TRPM3: variants seen among roughly 807,000 people sequenced by gnomAD.
The protein encoded by TRPM3 is long transient receptor potential channel 3.
TRPM3 carries 77 observed loss-of-function variants against 181.2 expected under a neutral mutation model. That is an observed-to-expected ratio of 0.42 (90% CI 0.35 to 0.51). The LOEUF is 0.51. Among genes scored for constraint, TRPM3 ranks in the 20% least tolerant of loss-of-function variants. TRPM3 has a pLI of 0.01. For missense variants in TRPM3, 1,759 were observed against 2,196.7 expected (o/e 0.80, Z 3.98); for synonymous variants, 745 against 796.4 (o/e 0.94, Z 1.09).
intron 1 of TRPM3, among the ~76,000 whole-genome samples, chr9:71,048,084 C>T (rs577272933): frequency 2.0e-5 from 3 of 152,156 alleles, no homozygotes; most frequent in African/African-American, 7.2e-5. Context: ...TAGGTTGGTA[C>T]AAAAGTTATC....
intron 1 of TRPM3, among the ~76,000 whole-genome samples, chr9:71,167,895 A>C (rs1053716118): frequency 2.6e-4 from 40 of 152,180 alleles, no homozygotes; most frequent in African/African-American, 9.7e-4. Flanking sequence ...AGAATAAAGA[A>C]AACTGTAATT....
intron 2 of TRPM3, 68 bp from the exon 3 acceptor site, chr9:70,863,180 C>T: frequency 6.6e-6 from 9 of 1,371,486 alleles, no homozygotes; most frequent in Non-Finnish European, 9.1e-6. Flanking sequence ...TTAAGGCAAC[C>T]AGCTGGAGAA....
intron 9 of TRPM3, among the ~76,000 whole-genome samples, chr9:70,646,805 AAGAG>A (rs2058927699): frequency 6.6e-6 from 1 of 151,834 alleles, no homozygotes; most frequent in Non-Finnish European, 1.5e-5. Context: ...ATAAAGAAAA[AAGAG>A]AGAAGATCCA....
chr9:70,887,926 T>C (rs548745652), intron 1 of TRPM3, among the ~76,000 whole-genome samples: 24 of 152,366 alleles, frequency 1.6e-4, no homozygotes, highest in African/African-American at 5.3e-4. Flanking sequence ...AACTGCAGTA[T>C]GACAAGTGTG....
chr9:71,106,007 G>C (rs1450420510), intron 1 of TRPM3, among the ~76,000 whole-genome samples: 1 of 152,020 alleles, frequency 6.6e-6, no homozygotes, highest in Admixed American at 6.6e-5. Flanking sequence ...AAATTCTACT[G>C]TAAGTTATAC....
intron 1 of TRPM3, among the ~76,000 whole-genome samples, chr9:70,990,150 A>C (rs1476006931): frequency 2.0e-5 from 3 of 152,184 alleles, no homozygotes. Flanking sequence ...TTTAATACCT[A>C]TTCTATTCTG....
intron 1 of TRPM3, among the ~76,000 whole-genome samples, chr9:71,431,072 ACT>A (rs2093947181): frequency 6.6e-6 from 1 of 152,040 alleles, no homozygotes; most frequent in Admixed American, 6.5e-5. Flanking sequence ...TATTGGCTTG[ACT>A]CTATTCTAAC....
intron 1 of TRPM3, among the ~76,000 whole-genome samples, chr9:71,037,964 T>C (rs753154534): frequency 3.3e-5 from 5 of 152,262 alleles, no homozygotes; most frequent in African/African-American, 7.2e-5. Context: ...AAGGTTTTTA[T>C]ATACTTTTAT....
At chr9:70,806,032 A>G (rs1302243002) in intron 6 of TRPM3, among the ~76,000 whole-genome samples, 1 of 152,144 alleles carries the variant, frequency 6.6e-6, no homozygotes, top group Non-Finnish European at 1.5e-5. Flanking sequence ...TAGCACAGGC[A>G]CACCTGTTTT....
intron 1 of TRPM3, among the ~76,000 whole-genome samples, chr9:71,236,733 G>C (rs2081371003): frequency 6.6e-6 from 1 of 152,138 alleles, no homozygotes. Flanking sequence ...ACATATGCAG[G>C]ACACATATGT....
At chr9:71,130,962 GATGAGAGCATGATGTATTTACTTTT>G (rs2074334807) in intron 1 of TRPM3, among the ~76,000 whole-genome samples, 1 of 152,172 alleles carries the variant, frequency 6.6e-6, no homozygotes, top group African/African-American at 2.4e-5. Context: ...CTACAGATCA[GATGAGAGCATGATGTATTTACTTTT>G]ATGAAAACAC....
At chr9:71,038,587 C>G (rs529968453) in intron 1 of TRPM3, among the ~76,000 whole-genome samples, 1 of 152,176 alleles carries the variant, frequency 6.6e-6, no homozygotes, top group African/African-American at 2.4e-5. Flanking sequence ...TTTCTTCTTT[C>G]ATTTTCCTCT....
chr9:70,832,799 T>G (rs778858107), intron 5 of TRPM3, among the ~76,000 whole-genome samples: 6 of 152,192 alleles, frequency 3.9e-5, no homozygotes, highest in Non-Finnish European at 7.3e-5. Flanking sequence ...CCAGAAGTAG[T>G]AAACAGGAAG....
intron 1 of TRPM3, among the ~76,000 whole-genome samples, chr9:71,082,108 A>G (rs755832210): frequency 2.1e-5 from 3 of 145,416 alleles, no homozygotes; most frequent in East Asian, 2.2e-4. Context: ...TAAAATATCA[A>G]TTTAGTTAAG....
chr9:71,333,402 T>G (rs1275571100), intron 1 of TRPM3, among the ~76,000 whole-genome samples: 1 of 151,740 alleles, frequency 6.6e-6, no homozygotes, highest in Non-Finnish European at 1.5e-5. Flanking sequence ...AATGGGAGAG[T>G]AGGAACCAGC....
chr9:71,325,798 G>C (rs962633802), intron 1 of TRPM3, among the ~76,000 whole-genome samples: 2 of 151,890 alleles, frequency 1.3e-5, no homozygotes, highest in African/African-American at 4.8e-5. Context: ...TCTGCCACAT[G>C]CTTCATTAAA....
chr9:70,856,299 T>G (rs982699298), intron 3 of TRPM3, among the ~76,000 whole-genome samples: 4 of 152,206 alleles, frequency 2.6e-5, no homozygotes, highest in Non-Finnish European at 4.4e-5. Flanking sequence ...AGTTCAGTGG[T>G]CTTCAGATTA....
chr9:70,692,406 C>T (rs118155142), intron 8 of TRPM3, among the ~76,000 whole-genome samples: 4 of 152,248 alleles, frequency 2.6e-5, no homozygotes, highest in Non-Finnish European at 5.9e-5. Context: ...GGGCTTTTGT[C>T]ATAAATTGCC....
At chr9:70,854,832 A>G (rs1197668134) in intron 3 of TRPM3, among the ~76,000 whole-genome samples, 1 of 152,200 alleles carries the variant, frequency 6.6e-6, no homozygotes, top group Non-Finnish European at 1.5e-5. Flanking sequence ...TGTATGAACT[A>G]GAGGCTAGTT....
Sources: gnomAD v4.1 joint callset for allele counts (sites outside exome capture counted in the v4.1 genomes callset) on GRCh38, gnomAD v4.1.1 for gene constraint, MANE v1.5 for transcripts, NCBI Gene and HGNC (gene_info 2026-07-23, HGNC 2026-07-21) for gene names.